The following STRADA variants were observed in gnomAD, a reference collection of about 807,000 sequenced individuals.
STRADA encodes STE20 related adaptor alpha, also known as STE20-related kinase adapter protein alpha.
Under a neutral mutation model 55.0 loss-of-function variants are expected in STRADA, and 26 were observed. That is an observed-to-expected ratio of 0.47 (90% CI 0.35 to 0.66). The LOEUF (loss-of-function observed/expected upper bound fraction) is 0.66, where lower values mean the gene tolerates loss of function less well. STRADA is among the 30% of genes least tolerant of loss of function. The pLI, the probability that STRADA is intolerant of heterozygous loss-of-function variation, is 0.01. For missense variants in STRADA, 443 were observed against 549.7 expected (o/e 0.81, Z 1.94); for synonymous variants, 197 against 210.9 (o/e 0.93, Z 0.57).
intron 1 of STRADA, among the ~76,000 whole-genome samples, chr17:63,728,740 A>T (rs1178917890): frequency 0.21 from 13,692 of 66,688 alleles, 2,895 homozygotes; most frequent in African/African-American, 0.51. Context: ...CTCTATAAAA[A>T]AAAAAAAAAA....
At chr17:63,711,749 C>T (rs2036514000) in intron 6 of STRADA, among the ~76,000 whole-genome samples, 3 of 152,056 alleles carry the variant, frequency 2.0e-5, no homozygotes, top group African/African-American at 7.2e-5. Context: ...GCCTGGGCAA[C>T]ATGGCGAAAC....
At position 63,728,396 on chromosome 17, in the gene STRADA, A is replaced by C. The variant is rs772153347; in HGVS notation, c.-27T>G. On this transcript the variant is annotated 5_prime_UTR_variant, in exon 2 of 13. Coordinates refer to ENST00000336174, the MANE Select transcript of STRADA (RefSeq NM_001003787.4). ...AGTTCCTACTGTGTAGGCCTACTTC[A>C]GTTTCAAAAACTTAAACCTAAAAGG... The C allele has an allele frequency of 6.3e-7, 1 of 1,591,152 alleles. No homozygotes were observed.
chr17:63,719,111 C>T (rs1431034913), intron 4 of STRADA: 3 of 152,306 alleles, frequency 2.0e-5, no homozygotes, highest in East Asian at 3.9e-4. Flanking sequence ...TTCATTCCCA[C>T]GGGCTAAAGA....
At chr17:63,732,612 A>G (rs936034754) in intron 1 of STRADA, among the ~76,000 whole-genome samples, 3 of 152,200 alleles carry the variant, frequency 2.0e-5, no homozygotes, top group Non-Finnish European at 4.4e-5. Flanking sequence ...TGTGGGCAAC[A>G]TGGCGAAAGC....
intron 1 of STRADA, among the ~76,000 whole-genome samples, chr17:63,740,143 T>C (rs1200619826): frequency 0.018 from 823 of 46,550 alleles, 64 homozygotes; most frequent in African/African-American, 0.06. Context: ...TACATATATA[T>C]ATATACACAC....
intron 4 of STRADA, chr17:63,715,221 G>A (rs997577598): frequency 1.3e-5 from 2 of 152,220 alleles, no homozygotes; most frequent in African/African-American, 4.8e-5. Context: ...GATGACCAGA[G>A]TATACTTTCC....
intron 10 of STRADA, chr17:63,704,822 G>A (rs889992627): frequency 1.4e-5 from 22 of 1,535,274 alleles, no homozygotes; most frequent in Admixed American, 2.0e-5. Flanking sequence ...AAAAGTACCC[G>A]CTTTCGCCAT....
chr17:63,714,168 G>A, intron 4 of STRADA, 60 bp from the exon 5 acceptor site: 1 of 1,300,022 alleles, frequency 7.7e-7, no homozygotes, highest in Non-Finnish European at 1.1e-6. Context: ...TGGGAGTGGG[G>A]TGAAGGTGGT....
At position 63,740,086 on chromosome 17, in the gene STRADA, CTATATATA is replaced by C. The variant is rs771962134; in HGVS notation, c.-45+1647_-45+1654del. Among the ~76,000 whole-genome samples the C allele has an allele frequency of 9.2e-4, 38 of 41,526 alleles. 4 individuals carry two copies. In the South Asian group the frequency reaches 9.5e-3, roughly 10 times the overall value. 27.2% of individuals were successfully genotyped at this position (41,526 alleles called of 152,430 possible). On this transcript the variant is annotated intron_variant, in intron 1 of 12. Transcript: ENST00000336174. ...CCCAGCCTATCAGAAACATTTAACA[CTATATATA>C]TATATATATATATACATACATACAT...
At chr17:63,709,695 AC>A (rs745701162) in intron 8 of STRADA, among the ~76,000 whole-genome samples, 8 of 152,230 alleles carry the variant, frequency 5.3e-5, no homozygotes, top group Non-Finnish European at 1.5e-5. Flanking sequence ...CTACAGTTTC[AC>A]ATTTTACATA....
intron 4 of STRADA, among the ~76,000 whole-genome samples, chr17:63,721,519 G>A (rs1362109121): frequency 6.6e-6 from 1 of 150,872 alleles, no homozygotes; most frequent in Non-Finnish European, 1.5e-5. Flanking sequence ...AGGGGTTCGA[G>A]ACCAGCCAAC....
At chr17:63,732,934 C>T (rs539619002) in intron 1 of STRADA, among the ~76,000 whole-genome samples, 4 of 152,082 alleles carry the variant, frequency 2.6e-5, no homozygotes, top group Non-Finnish European at 4.4e-5. Flanking sequence ...GTTGCCCAGG[C>T]TGCAATGCAA....
chr17:63,733,393 C>A (rs1409280760), intron 1 of STRADA, among the ~76,000 whole-genome samples: 1 of 150,786 alleles, frequency 6.6e-6, no homozygotes, highest in Non-Finnish European at 1.5e-5. Flanking sequence ...GTATTCAGTT[C>A]TCTTGCTTTT....
At chr17:63,734,628 C>A (rs1198685402) in intron 1 of STRADA, among the ~76,000 whole-genome samples, 2 of 151,806 alleles carry the variant, frequency 1.3e-5, no homozygotes, top group African/African-American at 4.8e-5. Context: ...CAGAGTGAGA[C>A]CCTGTCTCAA....
At chr17:63,726,401 CAT>C in intron 3 of STRADA, 4 of 438,782 alleles carry the variant, frequency 9.1e-6, no homozygotes, top group Non-Finnish European at 1.6e-5. Flanking sequence ...CAAAAGAAAA[CAT>C]ATATGCTTTT....
At chr17:63,728,466 A>G in intron 1 of STRADA, 53 bp from the exon 2 acceptor site, 3 of 995,762 alleles carry the variant, frequency 3.0e-6, no homozygotes, top group Admixed American at 2.4e-5. Flanking sequence ...TTATAGAGAA[A>G]TATCTTCTGA....
chr17:63,707,969 C>T (rs1430306602), intron 8 of STRADA, among the ~76,000 whole-genome samples: 1 of 151,770 alleles, frequency 6.6e-6, no homozygotes, highest in African/African-American at 2.4e-5. Flanking sequence ...GATCTCCCGA[C>T]CTCGTGATCC....
intron 4 of STRADA, among the ~76,000 whole-genome samples, chr17:63,722,311 A>G (rs1344677363): frequency 6.6e-6 from 1 of 152,258 alleles, no homozygotes; most frequent in Non-Finnish European, 1.5e-5. Context: ...GCACACAAAG[A>G]CAATATTCAC....
At position 63,710,625 on chromosome 17, in the gene STRADA, G is replaced by C; in HGVS notation, c.458-11C>G. On this transcript the variant is annotated splice_polypyrimidine_tract_variant and intron_variant, in intron 7 of 12. Coordinates refer to ENST00000336174, the MANE Select transcript of STRADA (RefSeq NM_001003787.4). Reference sequence around the variant, plus strand: ...GATCTTTTGCAGAACCTGCAGAAAAGGATTGCATGGAGGCAGTGAAAGGTA... The same window carrying C: ...GATCTTTTGCAGAACCTGCAGAAAACGATTGCATGGAGGCAGTGAAAGGTA... The C allele has an allele frequency of 6.2e-7, 1 of 1,614,068 alleles. No individual in the cohort carries two copies. The highest frequency in any genetic ancestry group is 8.5e-7 in the Non-Finnish European group (1 of 1,179,974).
Sources: gnomAD v4.1 joint callset for allele counts (sites outside exome capture counted in the v4.1 genomes callset) on GRCh38, gnomAD v4.1.1 for gene constraint, MANE v1.5 for transcripts, NCBI Gene and HGNC (gene_info 2026-07-23, HGNC 2026-07-21) for gene names.